The following KIAA0825 variants were observed in gnomAD, a reference collection of about 807,000 sequenced individuals.
KIAA0825 encodes uncharacterized protein KIAA0825.
Under a neutral mutation model 147.6 loss-of-function variants are expected in KIAA0825, and 119 were observed. The ratio of observed to expected loss-of-function variants is 0.81; its 90% CI spans 0.69 to 0.94. KIAA0825 has a LOEUF of 0.94. KIAA0825 is among the 40% of genes least tolerant of loss of function. The pLI is 0.00. For missense variants in KIAA0825, 1,381 were observed against 1,472.7 expected (o/e 0.94, Z 1.02); for synonymous variants, 470 against 518.1 (o/e 0.91, Z 1.26).
chr5:94,343,562 G>A (rs11953212), intron 20 of KIAA0825, among the ~76,000 whole-genome samples: 30,225 of 151,938 alleles, frequency 0.2, 4,380 homozygotes, highest in African/African-American at 0.41. Context: ...AGTGGCGGGC[G>A]CCTGTAGTCC....
At chr5:94,471,789 T>C in intron 8 of KIAA0825, 58 bp from the exon 9 acceptor site, 1 of 1,492,182 alleles carries the variant, frequency 6.7e-7, no homozygotes, top group Non-Finnish European at 9.1e-7. Context: ...CCAAGTAATT[T>C]ATGGACAGTG....
At chr5:94,210,701 A>G (rs1583860842) in intron 20 of KIAA0825, among the ~76,000 whole-genome samples, 1 of 152,166 alleles carries the variant, frequency 6.6e-6, no homozygotes, top group African/African-American at 2.4e-5. Context: ...TTTACAAACT[A>G]CAGAAAGAGC....
intron 13 of KIAA0825, among the ~76,000 whole-genome samples, chr5:94,443,012 T>C (rs891296032): frequency 1.4e-4 from 21 of 152,088 alleles, no homozygotes; most frequent in African/African-American, 5.1e-4. Context: ...AATAAAATCA[T>C]TTGAATGTCA....
intron 20 of KIAA0825, among the ~76,000 whole-genome samples, chr5:94,233,161 C>A (rs1774835378): frequency 6.6e-6 from 1 of 152,172 alleles, no homozygotes; most frequent in Non-Finnish European, 1.5e-5. Flanking sequence ...AATAGAGAAT[C>A]TACAAATTAG....
chr5:94,264,235 T>A (rs939094447), intron 20 of KIAA0825, among the ~76,000 whole-genome samples: 17 of 152,202 alleles, frequency 1.1e-4, no homozygotes, highest in African/African-American at 4.1e-4. Context: ...CATACAATAA[T>A]GTGTTCTGAT....
At chr5:94,499,598 G>T (rs1584694679) in intron 5 of KIAA0825, among the ~76,000 whole-genome samples, 1 of 130,500 alleles carries the variant, frequency 7.7e-6, no homozygotes, top group Non-Finnish European at 1.7e-5. Context: ...GGGGGGGGGG[G>T]GACCAAGGGT....
At chr5:94,327,637 TTTTC>T (rs1780830007) in intron 20 of KIAA0825, among the ~76,000 whole-genome samples, 3 of 152,204 alleles carry the variant, frequency 2.0e-5, no homozygotes, top group Admixed American at 1.3e-4. Flanking sequence ...TTCAACCTTC[TTTTC>T]AAATATTTGC....
chr5:94,433,554 T>A, intron 14 of KIAA0825, among the ~76,000 whole-genome samples: 1 of 152,226 alleles, frequency 6.6e-6, no homozygotes, highest in Middle Eastern at 3.2e-3. Context: ...CATGTGGTGC[T>A]GTGTGAATGG....
chr5:94,506,030 T>C (rs561280398), intron 5 of KIAA0825, among the ~76,000 whole-genome samples: 11 of 152,300 alleles, frequency 7.2e-5, no homozygotes, highest in African/African-American at 2.6e-4. Context: ...AGTGGGAAAA[T>C]ACTCCTTATA....
At chr5:94,313,562 G>T (rs1174154456) in intron 20 of KIAA0825, among the ~76,000 whole-genome samples, 1 of 150,828 alleles carries the variant, frequency 6.6e-6, no homozygotes, top group Non-Finnish European at 1.5e-5. Flanking sequence ...TGATTTTTAC[G>T]AAATACTTTC....
intron 20 of KIAA0825, among the ~76,000 whole-genome samples, chr5:94,266,918 C>T (rs2150138141): frequency 6.6e-6 from 1 of 152,142 alleles, no homozygotes; most frequent in Admixed American, 6.5e-5. Context: ...ATATAAGAGT[C>T]CTTAGTCCTT....
chr5:94,298,531 G>C (rs924610951), intron 20 of KIAA0825, among the ~76,000 whole-genome samples: 1 of 152,062 alleles, frequency 6.6e-6, no homozygotes, highest in African/African-American at 2.4e-5. Context: ...CTTCATTTCG[G>C]GATGGAAAAA....
chr5:94,484,898 A>C lies in KIAA0825; in HGVS notation c.1003T>G (p.Phe335Val), dbSNP rs762738734. 1.3e-6 allele frequency: 2 copies of C among 1,524,312 alleles called. No homozygotes were observed. The highest frequency in any genetic ancestry group is 1.8e-6 in the Non-Finnish European group (2 of 1,128,526). The allele number at this position is 1,524,312 out of a possible 1,614,324, so 94.4% of individuals were successfully genotyped here. A position where few individuals can be genotyped will look rare whatever the true frequency, so the allele number is the denominator to read the frequency against. ...TCGACTTTGTCTAAAGGGAGAGAGA[A>C]GTTTCTTCCTTTCTGTGGGCATTCA... The part of the protein sequence containing the change: ...TTECPQKGRN[F>V]SLPLDKVEFL... The change falls in exon 6 of 21, where the codon TTC (phenylalanine) becomes GTC (valine). Residue 335 changes from phenylalanine to valine, a missense_variant. By Grantham distance (50) the Phe-to-Val change is conservative. Transcript: ENST00000682413.
At chr5:94,583,040 C>A (rs923333347) in intron 1 of KIAA0825, among the ~76,000 whole-genome samples, 3 of 152,130 alleles carry the variant, frequency 2.0e-5, no homozygotes, top group African/African-American at 7.2e-5. Context: ...AAACAGATTG[C>A]TGGGGGAGGC....
chr5:94,403,690 A>T lies in KIAA0825; in HGVS notation c.2766T>A (p.Ser922Arg), dbSNP rs1382596598. 7 of 1,551,470 alleles carry T rather than the reference A, an allele frequency of 4.5e-6. No individual in the cohort carries two copies. Among genetic ancestry groups the T allele is most frequent in the Non-Finnish European group, 6.1e-6 (7 of 1,146,896 alleles). ...GGTTTGTCTCACAGTTTCTCCTAGA[A>T]CTCATTACAGATACTATCTGCTGTA... ...DTVQQIVSVM[S>R]SRRNCETNLN... Residue 922 changes from serine (S) to arginine (R), a missense_variant, in exon 16 of 21, where the codon AGT (serine) becomes AGA (arginine). Physicochemically the swap from Ser to Arg is moderately radical, Grantham distance 110 (BLOSUM62 -1). Coordinates refer to ENST00000682413, the MANE Select transcript of KIAA0825 (RefSeq NM_001145678.3).
chr5:94,306,795 C>T (rs922905131), intron 20 of KIAA0825, among the ~76,000 whole-genome samples: 1 of 151,648 alleles, frequency 6.6e-6, no homozygotes, highest in African/African-American at 2.4e-5. Flanking sequence ...CATTTCTTTC[C>T]GTAATTGTCC....
chr5:94,506,499 T>C (rs114942102), intron 5 of KIAA0825, among the ~76,000 whole-genome samples: 1,548 of 152,284 alleles, frequency 0.01, 29 homozygotes, highest in African/African-American at 0.036. Flanking sequence ...GAAGTGAATA[T>C]GGAAGTTTTT....
At chr5:94,453,667 T>G (rs1338035133) in intron 12 of KIAA0825, among the ~76,000 whole-genome samples, 1 of 152,104 alleles carries the variant, frequency 6.6e-6, no homozygotes, top group African/African-American at 2.4e-5. Flanking sequence ...ATCTTTACAC[T>G]TGGGGAAGGT....
chr5:94,490,150 A>C (rs1318994275), intron 5 of KIAA0825, among the ~76,000 whole-genome samples: 1 of 152,176 alleles, frequency 6.6e-6, no homozygotes, highest in African/African-American at 2.4e-5. Context: ...CACAAGTGTA[A>C]AATGATTTCC....
Sources: allele counts gnomAD v4.1 joint callset (sites outside exome capture counted in the v4.1 genomes callset), GRCh38; gene constraint gnomAD v4.1.1; transcripts MANE v1.5; gene names NCBI Gene and HGNC (gene_info 2026-07-23, HGNC 2026-07-21).